The following MATN2 variants were observed in gnomAD, a reference collection of about 807,000 sequenced individuals.
MATN2 encodes matrilin-2.
In MATN2, 69 loss-of-function variants were observed where a neutral mutation model predicts 103.2. The observed-to-expected ratio is 0.67, with a 90% confidence interval of 0.55 to 0.82. The LOEUF (loss-of-function observed/expected upper bound fraction) is 0.82, where lower values mean the gene tolerates loss of function less well. MATN2 is among the 40% of genes least tolerant of loss of function. The pLI, the probability that MATN2 is intolerant of heterozygous loss-of-function variation, is 0.00. For synonymous variants in MATN2, 429 were observed against 450.2 expected (o/e 0.95, Z 0.60); for missense variants, 1,023 against 1,211.5 (o/e 0.84, Z 2.31).
At chr8:97,964,057 T>C (rs1045262726) in intron 5 of MATN2, among the ~76,000 whole-genome samples, 1 of 151,988 alleles carries the variant, frequency 6.6e-6, no homozygotes, top group African/African-American at 2.4e-5. Context: ...ATTGGACAAA[T>C]GTCCAAGGCA....
chr8:98,034,928 A>G (rs1239450490), intron 18 of MATN2, among the ~76,000 whole-genome samples: 2 of 151,890 alleles, frequency 1.3e-5, no homozygotes, highest in African/African-American at 2.4e-5. Flanking sequence ...AAAAAAAAAA[A>G]AAAAAGACTG....
At chr8:97,943,908 C>A (rs143557649) in intron 4 of MATN2, among the ~76,000 whole-genome samples, 79 of 152,332 alleles carry the variant, frequency 5.2e-4, no homozygotes, top group African/African-American at 1.9e-3. Context: ...ATAAAGTGTT[C>A]TTTCCCTAAT....
At chr8:97,996,131 A>AG (rs1489166274) in intron 7 of MATN2, among the ~76,000 whole-genome samples, 10 of 152,220 alleles carry the variant, frequency 6.6e-5, no homozygotes, top group Admixed American at 4.6e-4. Context: ...TCAGATGCTC[A>AG]TTGCAAGCTT....
intron 6 of MATN2, among the ~76,000 whole-genome samples, chr8:97,986,920 C>T (rs1161434003): frequency 1.3e-5 from 2 of 152,110 alleles, no homozygotes; most frequent in African/African-American, 4.8e-5. Context: ...GCAAGCTCCA[C>T]CTCCAGGGTT....
At chr8:97,921,981 C>T (rs781595551) in intron 2 of MATN2, among the ~76,000 whole-genome samples, 12 of 152,156 alleles carry the variant, frequency 7.9e-5, no homozygotes, top group Non-Finnish European at 1.6e-4. Flanking sequence ...AGATCAGTGG[C>T]GACATTCCGT....
At chr8:97,883,472 C>T (rs554807483) in intron 1 of MATN2, among the ~76,000 whole-genome samples, 2 of 151,856 alleles carry the variant, frequency 1.3e-5, no homozygotes, top group African/African-American at 4.8e-5. Flanking sequence ...ACTGCCACCT[C>T]GACCTCTCGG....
chr8:98,032,227 G>T lies in MATN2; in HGVS notation c.2510-19G>T. The T allele has an allele frequency of 6.2e-7, 1 of 1,600,918 alleles. No individual in the cohort carries two copies. On this transcript the variant is annotated intron_variant, in intron 15 of 18. Coordinates refer to ENST00000254898, the MANE Select transcript of MATN2 (RefSeq NM_002380.5). ...CTGTGGACAACCATCACTTCTTTTG[G>T]TCATCTTTTTCTGCTCAGCTCTAGA...
chr8:97,897,545 AATAG>A, intron 2 of MATN2, among the ~76,000 whole-genome samples: 1 of 152,346 alleles, frequency 6.6e-6, no homozygotes, highest in South Asian at 2.1e-4. Context: ...TTATCATCAG[AATAG>A]ATTATACAAA....
At chr8:97,951,228 C>T (rs1366413254) in intron 4 of MATN2, among the ~76,000 whole-genome samples, 1 of 152,186 alleles carries the variant, frequency 6.6e-6, no homozygotes, top group Non-Finnish European at 1.5e-5. Context: ...TCTGCTCACC[C>T]TCTGGCTGTG....
chr8:97,922,425 T>C (rs1233238767), intron 2 of MATN2, among the ~76,000 whole-genome samples: 1 of 152,220 alleles, frequency 6.6e-6, no homozygotes, highest in African/African-American at 2.4e-5. Flanking sequence ...AAAAGAATGT[T>C]AGCCTTTATA....
At chr8:98,003,256 T>C (rs1315430299) in intron 7 of MATN2, among the ~76,000 whole-genome samples, 1 of 152,220 alleles carries the variant, frequency 6.6e-6, no homozygotes, top group Non-Finnish European at 1.5e-5. Context: ...CGAGTCCTCA[T>C]GTTCTTCTTC....
intron 2 of MATN2, among the ~76,000 whole-genome samples, chr8:97,894,880 C>T (rs1033512707): frequency 2.0e-5 from 3 of 147,888 alleles, no homozygotes; most frequent in Non-Finnish European, 4.5e-5. Context: ...TTAACCCCCC[C>T]TTTTTTTTTT....
intron 1 of MATN2, chr8:97,887,855 A>G (rs1283014427): frequency 7.0e-6 from 3 of 425,848 alleles, no homozygotes; most frequent in Non-Finnish European, 1.2e-5. Context: ...GATTAAAGTG[A>G]TGAAAAATTC....
At chr8:97,966,657 G>A (rs575568025) in intron 5 of MATN2, among the ~76,000 whole-genome samples, 1 of 152,284 alleles carries the variant, frequency 6.6e-6, no homozygotes, top group East Asian at 1.9e-4. Flanking sequence ...CACGTCAAGA[G>A]GAAGCAGAAA....
At chr8:97,996,027 G>A (rs1177658368) in intron 7 of MATN2, among the ~76,000 whole-genome samples, 2 of 152,216 alleles carry the variant, frequency 1.3e-5, no homozygotes, top group African/African-American at 4.8e-5. Flanking sequence ...GGGTGTGTGA[G>A]GGACTGGCTG....
chr8:97,972,106 G>A (rs1267447038), intron 5 of MATN2, among the ~76,000 whole-genome samples: 2 of 151,904 alleles, frequency 1.3e-5, no homozygotes, highest in East Asian at 3.9e-4. Flanking sequence ...TGAGGTGGGA[G>A]AATTGATTGA....
chr8:97,975,250 A>G (rs977552364), intron 5 of MATN2, among the ~76,000 whole-genome samples: 1 of 152,234 alleles, frequency 6.6e-6, no homozygotes, highest in Non-Finnish European at 1.5e-5. Context: ...GAGTTGCTTA[A>G]GGAGTGATCA....
rs757475078 is a variant in MATN2, at chr8:97,961,542, T to C, written c.958+12T>C. The C allele has an allele frequency of 1.9e-6, 3 of 1,602,862 alleles. No individual in the cohort carries two copies. The highest frequency in any genetic ancestry group is 3.4e-5 in the Admixed American group (2 of 58,940). Reference sequence around the variant, plus strand: ...GAAGAGGTGTGTGGGTGAGTATCCCTCCAGCTGGGCTTGGTAGGGAAGGAC... The same window carrying C: ...GAAGAGGTGTGTGGGTGAGTATCCCCCCAGCTGGGCTTGGTAGGGAAGGAC... On this transcript the variant is annotated intron_variant, in intron 5 of 18. Transcript: ENST00000254898.
At chr8:97,971,722 A>T (rs1811659930) in intron 5 of MATN2, among the ~76,000 whole-genome samples, 1 of 152,172 alleles carries the variant, frequency 6.6e-6, no homozygotes, top group African/African-American at 2.4e-5. Flanking sequence ...ACCCAGGCAG[A>T]TTGTAAACCC....
Sources: gnomAD v4.1 joint callset for allele counts (sites outside exome capture counted in the v4.1 genomes callset) on GRCh38, gnomAD v4.1.1 for gene constraint, MANE v1.5 for transcripts, NCBI Gene and HGNC (gene_info 2026-07-23, HGNC 2026-07-21) for gene names.